The following CSMD1 variants were observed in gnomAD, a reference collection of about 807,000 sequenced individuals.
CSMD1 encodes the protein CUB and sushi domain-containing protein 1.
A neutral mutation model predicts 417.5 loss-of-function variants in CSMD1; 213 were observed. The ratio of observed to expected loss-of-function variants is 0.51; its 90% confidence interval spans 0.46 to 0.57. The LOEUF (loss-of-function observed/expected upper bound fraction) is 0.57. Ranked by LOEUF, CSMD1 falls within the 20% of genes least tolerant of loss-of-function variation. The probability of loss-of-function intolerance (pLI) is 0.00; values close to 1 mark genes in which losing one functional copy is unlikely to be tolerated. For synonymous variants in CSMD1, 2,862 were observed against 1,736.8 expected, an observed-to-expected ratio of 1.65 and a Z score of -16.11; for missense variants, 6,923 against 4,529.7, an observed-to-expected ratio of 1.53 and a Z score of -15.17.
chr8:3,083,608 TTTTATATATA>T lies in CSMD1; in HGVS notation c.7474+3479_7474+3488del, dbSNP rs1190622927. The stretch of plus-strand genomic sequence containing the variant: ...CATCCACGGTGACAGTTACCATAAT[TTTTATATATA>T]TATATATATATATATATATATATAT... On this transcript the variant is annotated intron_variant, in intron 49 of 69. Coordinates refer to ENST00000635120, the MANE Select transcript of CSMD1 (RefSeq NM_033225.6). 6.3e-3 allele frequency among the ~76,000 whole-genome samples: 285 copies of T among 44,968 alleles called. 17 individuals carry two copies. The highest frequency in any genetic ancestry group is 0.023 in the African/African-American group (260 of 11,308). The allele number at this position is 44,968 out of a possible 152,430, so 29.5% of individuals were successfully genotyped here. A position where few individuals can be genotyped will look rare whatever the true frequency, so the allele number is the denominator to read the frequency against.
At chr8:4,247,480 T>G (rs895548216) in intron 3 of CSMD1, among the ~76,000 whole-genome samples, 12 of 152,196 alleles carry the variant, frequency 7.9e-5, no homozygotes, top group African/African-American at 2.7e-4. Context: ...TCTCAATATT[T>G]ATGCAGGCTC....
In CSMD1 at chr8:3,189,926, A is replaced by G; in HGVS notation, c.5384T>C (p.Ile1795Thr). The change falls in exon 34 of 70, where the codon ATC becomes ACC. Residue 1795 changes from isoleucine (I) to threonine (T), a missense_variant. Transcript: ENST00000635120. ...PNALAQWNDT[I>T]PSCVVPCSGN... ...ACACTGCTCACCCACACAGCTGGGG[A>G]TCGTGTCGTTCCACTGTGCCAAGGC... 6.3e-7 allele frequency: 1 copy of G among 1,582,700 alleles called. No homozygotes were observed. Among genetic ancestry groups the G allele is most frequent in the Non-Finnish European group, 8.6e-7 (1 of 1,164,750 alleles).
intron 6 of CSMD1, among the ~76,000 whole-genome samples, chr8:3,708,888 AG>A (rs1187268377): frequency 6.6e-6 from 1 of 152,124 alleles, no homozygotes; most frequent in Non-Finnish European, 1.5e-5. Flanking sequence ...CATGAAAAAA[AG>A]TTTAGATAAA....
intron 1 of CSMD1, among the ~76,000 whole-genome samples, chr8:4,670,876 A>C (rs1349808571): frequency 6.6e-6 from 1 of 152,196 alleles, no homozygotes; most frequent in Non-Finnish European, 1.5e-5. Context: ...GCATGTTTTG[A>C]TGGGGGTACT....
intron 3 of CSMD1, among the ~76,000 whole-genome samples, chr8:4,216,279 C>T (rs1800662586): frequency 1.3e-5 from 2 of 152,094 alleles, no homozygotes; most frequent in African/African-American, 2.4e-5. Flanking sequence ...ACCTGACCTT[C>T]TCCCTGTGGT....
intron 10 of CSMD1, among the ~76,000 whole-genome samples, chr8:3,499,505 G>A (rs1796505315): frequency 6.6e-6 from 1 of 152,100 alleles, no homozygotes; most frequent in South Asian, 2.1e-4. Flanking sequence ...TTGGAGTGGG[G>A]GGAGTGTTCA....
intron 3 of CSMD1, among the ~76,000 whole-genome samples, chr8:4,177,472 A>T (rs1798118492): frequency 1.3e-5 from 2 of 152,330 alleles, no homozygotes; most frequent in South Asian, 4.1e-4. Flanking sequence ...TCCACAAGAG[A>T]AAGTAGGAAA....
intron 41 of CSMD1, among the ~76,000 whole-genome samples, chr8:3,121,765 C>A (rs1473269273): frequency 6.6e-6 from 1 of 152,098 alleles, no homozygotes; most frequent in African/African-American, 2.4e-5. Context: ...TACCACTGCA[C>A]TCCAGCCTGG....
At chr8:4,479,973 A>AT (rs988110924) in intron 2 of CSMD1, among the ~76,000 whole-genome samples, 7 of 144,982 alleles carry the variant, frequency 4.8e-5, no homozygotes, top group African/African-American at 1.5e-4. Flanking sequence ...CTCAAAAAAA[A>AT]AAAAAAATAA....
intron 25 of CSMD1, among the ~76,000 whole-genome samples, chr8:3,294,511 C>G (rs1008861772): frequency 1.3e-5 from 2 of 152,136 alleles, no homozygotes; most frequent in African/African-American, 4.8e-5. Flanking sequence ...TCATTCAAGC[C>G]TTGGCAATGG....
intron 1 of CSMD1, among the ~76,000 whole-genome samples, chr8:4,828,711 A>G (rs1157011936): frequency 6.6e-6 from 1 of 152,162 alleles, no homozygotes; most frequent in Non-Finnish European, 1.5e-5. Context: ...GGCATGACTT[A>G]AAATCCTAAC....
chr8:4,627,866 C>A (rs1484422847), intron 2 of CSMD1, among the ~76,000 whole-genome samples: 1 of 152,136 alleles, frequency 6.6e-6, no homozygotes, highest in African/African-American at 2.4e-5. Flanking sequence ...TCACCCTTGG[C>A]ATTTCTGATA....
Position 4,113,446 on chromosome 8 carries a change from G to A in CSMD1, c.416-81347C>T, listed in dbSNP as rs183995305. On this transcript the variant is annotated intron_variant, in intron 3 of 69. Coordinates refer to ENST00000635120, the MANE Select transcript of CSMD1 (RefSeq NM_033225.6). ...ATGAGACAGTATCTCGCTCTGTCAC[G>A]CAGGCTGGACTGCAATGGTGCAATC... Among the ~76,000 whole-genome samples the A allele has an allele frequency of 7.6e-4, 102 of 135,070 alleles. 1 individual carries two copies. Among genetic ancestry groups the A allele is most frequent in the African/African-American group, 2.6e-3 (89 of 34,492 alleles). The allele number at this position is 135,070 out of a possible 152,430, so 88.6% of individuals were successfully genotyped here. A position where few individuals can be genotyped will look rare whatever the true frequency, so the allele number is the denominator to read the frequency against.
chr8:4,419,528 A>T (rs1336136099), intron 3 of CSMD1, among the ~76,000 whole-genome samples: 1 of 152,134 alleles, frequency 6.6e-6, no homozygotes, highest in Non-Finnish European at 1.5e-5. Flanking sequence ...CTCTCTTAAA[A>T]ATTTCAGCTT....
intron 26 of CSMD1, among the ~76,000 whole-genome samples, chr8:3,247,748 C>T (rs1270777440): frequency 6.6e-6 from 1 of 152,148 alleles, no homozygotes; most frequent in Non-Finnish European, 1.5e-5. Flanking sequence ...TGAAATGTTA[C>T]ACTAAAAAAA....
rs1462489142 is a variant in CSMD1, at chr8:3,560,112, C to T, written c.1344+14833G>A. 3.3e-5 allele frequency among the ~76,000 whole-genome samples: 5 copies of T among 152,158 alleles called. No homozygotes were observed. The South Asian group carries it at 8.3e-4, about 25-fold the overall frequency. ...ACACCCAGAGATTCCAGGACCCATT[C>T]GAACTTGTAGTGCTGGGTTCAGCAA... On this transcript the variant is annotated intron_variant, in intron 10 of 69. Transcript: ENST00000635120.
At chr8:3,262,914 A>G (rs1406588588) in intron 26 of CSMD1, among the ~76,000 whole-genome samples, 1 of 152,196 alleles carries the variant, frequency 6.6e-6, no homozygotes, top group Non-Finnish European at 1.5e-5. Context: ...ATTGCAAGAG[A>G]AAACTCAGTA....
chr8:3,808,693 T>C (rs949267701), intron 5 of CSMD1, among the ~76,000 whole-genome samples: 18 of 152,192 alleles, frequency 1.2e-4, no homozygotes, highest in African/African-American at 4.1e-4. Context: ...GGTTTGGCAC[T>C]CTAGAAGTTC....
chr8:4,921,482 G>C (rs898889327), intron 1 of CSMD1, among the ~76,000 whole-genome samples: 1 of 152,172 alleles, frequency 6.6e-6, no homozygotes, highest in African/African-American at 2.4e-5. Flanking sequence ...TGAAAACACA[G>C]TATTCTCTGT....
Sources: allele counts gnomAD v4.1 joint callset (sites outside exome capture counted in the v4.1 genomes callset), GRCh38; gene constraint gnomAD v4.1.1; transcripts MANE v1.5; gene names NCBI Gene and HGNC (gene_info 2026-07-23, HGNC 2026-07-21).